RAB27B: variants seen among roughly 807,000 people sequenced by gnomAD.
RAB27B encodes the protein RAB27B, member RAS oncogene family, also known as ras-related protein Rab-27B.
In RAB27B, 15 loss-of-function variants were observed where a neutral mutation model predicts 24.6. The observed-to-expected ratio is 0.61, with a 90% CI of 0.41 to 0.94. The LOEUF is 0.94. Among genes scored for constraint, RAB27B ranks in the 40% least tolerant of loss-of-function variants. RAB27B has a pLI of 0.00. For missense variants in RAB27B, 261 were observed against 266.8 expected (o/e 0.98, Z 0.15); for synonymous variants, 105 against 92.5 (o/e 1.14, Z -0.78).
intron 2 of RAB27B, among the ~76,000 whole-genome samples, chr18:54,804,456 C>G (rs1379931852): frequency 1.3e-5 from 2 of 152,184 alleles, no homozygotes; most frequent in Non-Finnish European, 2.9e-5. Flanking sequence ...TTAGAAGTGC[C>G]TTTTGCCTCC....
chr18:54,852,820 G>A (rs1052310356), intron 1 of RAB27B, among the ~76,000 whole-genome samples: 9 of 152,128 alleles, frequency 5.9e-5, no homozygotes, highest in African/African-American at 1.9e-4. Context: ...TGAAAGAATT[G>A]ACTTAAAACA....
At chr18:54,771,217 A>G (rs73960616) in intron 2 of RAB27B, among the ~76,000 whole-genome samples, 8,030 of 152,296 alleles carry the variant, frequency 0.053, 269 homozygotes, top group Admixed American at 0.084. Flanking sequence ...GATAAAATGA[A>G]CACTAATTGG....
At chr18:54,842,168 C>T (rs1911144625) in intron 1 of RAB27B, among the ~76,000 whole-genome samples, 1 of 152,172 alleles carries the variant, frequency 6.6e-6, no homozygotes, top group Admixed American at 6.5e-5. Flanking sequence ...TGGCTTATCT[C>T]CAAATGATAA....
At chr18:54,860,508 A>T (rs1911970145) in intron 1 of RAB27B, among the ~76,000 whole-genome samples, 1 of 151,946 alleles carries the variant, frequency 6.6e-6, no homozygotes, top group African/African-American at 2.4e-5. Flanking sequence ...CATCTCCTCC[A>T]TGAAGCCCTC....
intron 2 of RAB27B, among the ~76,000 whole-genome samples, chr18:54,778,843 C>CG (rs1908799097): frequency 1.3e-5 from 2 of 149,812 alleles, no homozygotes; most frequent in African/African-American, 2.5e-5. Context: ...ACAGTTAAGT[C>CG]CTTTTTTTTT....
At chr18:54,796,568 C>A (rs1909426962) in intron 2 of RAB27B, among the ~76,000 whole-genome samples, 1 of 152,052 alleles carries the variant, frequency 6.6e-6, no homozygotes, top group African/African-American at 2.4e-5. Context: ...GAGGCAGACT[C>A]CCCCCTCTCT....
intron 2 of RAB27B, among the ~76,000 whole-genome samples, chr18:54,781,985 G>A (rs895834047): frequency 2.7e-4 from 41 of 152,274 alleles, no homozygotes; most frequent in African/African-American, 9.9e-4. Flanking sequence ...ATTTTAATGA[G>A]TTCAAAAGTT....
Position 54,746,900 on chromosome 18 carries a change from T to A in RAB27B, c.-20+28759T>A, listed in dbSNP as rs541637127. 1.9e-4 allele frequency among the ~76,000 whole-genome samples: 29 copies of A among 152,310 alleles called. 1 individual carries two copies. The South Asian group carries it at 5.8e-3, about 30-fold the overall frequency. On this transcript the variant is annotated intron_variant, in intron 2 of 4. Transcript: ENST00000586570. ...ATTTGGCCTCAAGTAACATACTAAC[T>A]TATATAACACAAACCAACCTTTATC... is the stretch of plus-strand genomic sequence containing the variant.
At chr18:54,775,069 C>T (rs2145078602) in intron 2 of RAB27B, among the ~76,000 whole-genome samples, 1 of 152,338 alleles carries the variant, frequency 6.6e-6, no homozygotes, top group South Asian at 2.1e-4. Context: ...TGGCCTCTGT[C>T]CTTCCTACTG....
chr18:54,797,578 G>A (rs1172898479), intron 2 of RAB27B, among the ~76,000 whole-genome samples: 2 of 152,268 alleles, frequency 1.3e-5, no homozygotes, highest in South Asian at 2.1e-4. Context: ...GAATAGTCTA[G>A]TCTAAAGAAC....
intron 2 of RAB27B, among the ~76,000 whole-genome samples, chr18:54,792,156 T>C: frequency 6.6e-6 from 1 of 152,162 alleles, no homozygotes; most frequent in Non-Finnish European, 1.5e-5. Context: ...CTGTAACACA[T>C]GCCCACTGGG....
intron 2 of RAB27B, among the ~76,000 whole-genome samples, chr18:54,770,188 C>T (rs1470065141): frequency 6.6e-6 from 1 of 152,142 alleles, no homozygotes; most frequent in Non-Finnish European, 1.5e-5. Flanking sequence ...GTTGCCAACA[C>T]CTGGGACATG....
intron 1 of RAB27B, among the ~76,000 whole-genome samples, chr18:54,854,183 A>T (rs1911692980): frequency 6.6e-6 from 1 of 152,214 alleles, no homozygotes; most frequent in Admixed American, 6.5e-5. Context: ...GACCAGTTAA[A>T]ATACAGATAT....
In RAB27B at chr18:54,891,540, CT is replaced by C. The variant is rs1913370734; in HGVS notation, c.*2131del. 6.6e-6 allele frequency: 1 copy of C among 152,078 alleles called. No individual in the cohort carries two copies. Among genetic ancestry groups the C allele is most frequent in the South Asian group, 2.1e-4 (1 of 4,824 alleles). The allele number at this position is 152,078 out of a possible 1,614,324, so 9.4% of individuals were successfully genotyped here. A position where few individuals can be genotyped will look rare whatever the true frequency, so the allele number is the denominator to read the frequency against. On this transcript the variant is annotated 3_prime_UTR_variant, in exon 6 of 6. Coordinates refer to ENST00000262094, the MANE Select transcript of RAB27B (RefSeq NM_004163.4). ...CACTGCTGTGGCAAATTTTGGTGAACTTTTGGGGTCATTATATCAATTTTTT... is the reference window on the plus strand; with the variant it reads ...CACTGCTGTGGCAAATTTTGGTGAACTTTGGGGTCATTATATCAATTTTTT...
At chr18:54,753,605 C>T (rs912562140) in intron 2 of RAB27B, among the ~76,000 whole-genome samples, 5 of 152,158 alleles carry the variant, frequency 3.3e-5, no homozygotes, top group South Asian at 4.1e-4. Flanking sequence ...TGCAGTTCTA[C>T]GCATGATTTA....
chr18:54,847,696 A>G (rs1050287898), intron 1 of RAB27B, among the ~76,000 whole-genome samples: 1 of 152,228 alleles, frequency 6.6e-6, no homozygotes, highest in African/African-American at 2.4e-5. Flanking sequence ...AACGTTCAGA[A>G]AAAAACAGAA....
At position 54,750,659 on chromosome 18, in the gene RAB27B, G is replaced by T. The variant is rs141363036; in HGVS notation, c.-20+32518G>T. On this transcript the variant is annotated intron_variant, in intron 2 of 4. Coordinates refer to the RAB27B transcript ENST00000586570. ...AATTCATTCATTTTTTGAGTGCCAGGCTCTGTCTTAGTGCTGAGGATGCAG... is the reference window on the plus strand; with the variant it reads ...AATTCATTCATTTTTTGAGTGCCAGTCTCTGTCTTAGTGCTGAGGATGCAG... 8.4e-3 allele frequency among the ~76,000 whole-genome samples: 1,274 copies of T among 152,212 alleles called. 10 individuals are homozygous for T. The highest frequency in any genetic ancestry group is 0.017 in the Middle Eastern group (5 of 292).
At chr18:54,787,740 AAAAC>A (rs1909132662) in intron 2 of RAB27B, among the ~76,000 whole-genome samples, 1 of 152,176 alleles carries the variant, frequency 6.6e-6, no homozygotes, top group East Asian at 1.9e-4. Flanking sequence ...AAAAAAAAAA[AAAAC>A]CTTCTCTAAC....
intron 1 of RAB27B, among the ~76,000 whole-genome samples, chr18:54,838,860 A>G (rs968204780): frequency 2.0e-5 from 3 of 152,094 alleles, no homozygotes; most frequent in African/African-American, 4.8e-5. Context: ...CTGATCTTCT[A>G]TGTTATCTCC....
Sources: gnomAD v4.1 joint callset for allele counts (sites outside exome capture counted in the v4.1 genomes callset) on GRCh38, gnomAD v4.1.1 for gene constraint, MANE v1.5 for transcripts, NCBI Gene and HGNC (gene_info 2026-07-23, HGNC 2026-07-21) for gene names.